GRM5: variants seen among roughly 807,000 people sequenced by gnomAD.
GRM5 encodes the protein glutamate metabotropic receptor 5, also known as metabotropic glutamate receptor 5.
In GRM5, 19 loss-of-function variants were observed where a neutral mutation model predicts 83.1. The observed-to-expected ratio is 0.23, with a 90% CI of 0.16 to 0.34. The LOEUF is 0.34. Ranked by LOEUF, GRM5 falls within the 10% of genes least tolerant of loss-of-function variation. The probability of loss-of-function intolerance (pLI) is 1.00; values close to 1 mark genes in which losing one functional copy is unlikely to be tolerated. For synonymous variants in GRM5, 675 were observed against 633.6 expected, an observed-to-expected ratio of 1.07 and a Z score of -0.98; for missense variants, 1,160 against 1,588.3, an observed-to-expected ratio of 0.73 and a Z score of 4.58.
At chr11:88,817,853 A>G (rs1236241703) in intron 3 of GRM5, among the ~76,000 whole-genome samples, 3 of 152,150 alleles carry the variant, frequency 2.0e-5, no homozygotes, top group Non-Finnish European at 4.4e-5. Context: ...TCATGCTGAT[A>G]ATCCACAGTG....
intron 3 of GRM5, among the ~76,000 whole-genome samples, chr11:88,744,654 G>C: frequency 6.6e-6 from 1 of 152,082 alleles, no homozygotes. Flanking sequence ...AAATGGTAGG[G>C]CGTGTCCTAC....
intron 5 of GRM5, among the ~76,000 whole-genome samples, chr11:88,601,387 C>T (rs148972823): frequency 3.6e-4 from 54 of 151,754 alleles, no homozygotes; most frequent in African/African-American, 1.2e-3. Context: ...CTTTTCTTTT[C>T]TTTCTTTCTC....
intron 2 of GRM5, among the ~76,000 whole-genome samples, chr11:89,041,077 C>G (rs1195469519): frequency 1.3e-5 from 2 of 152,176 alleles, no homozygotes; most frequent in African/African-American, 2.4e-5. Flanking sequence ...AACCTAGAAG[C>G]TAAAAGGTTT....
intron 3 of GRM5, among the ~76,000 whole-genome samples, chr11:88,777,629 C>A (rs762416166): frequency 1.3e-5 from 2 of 152,092 alleles, no homozygotes; most frequent in Non-Finnish European, 2.9e-5. Context: ...GTGTAGATTA[C>A]CTTTTTGTTG....
Position 88,922,354 on chromosome 11 carries a change from C to T in GRM5, c.662-72199G>A, listed in dbSNP as rs563480888. On this transcript the variant is annotated intron_variant, in intron 2 of 9. Coordinates refer to ENST00000305447, the MANE Select transcript of GRM5 (RefSeq NM_001143831.3). ...TACTACAGAGCTATAATAAACAAAA[C>T]AGCATGGTGATGGCACAAAAACAGA... Among the ~76,000 whole-genome samples, 11 of 152,204 alleles carry T rather than the reference C, an allele frequency of 7.2e-5. 1 individual carries two copies. The highest frequency in any genetic ancestry group is 6.8e-3 in the Middle Eastern group (2 of 294).
chr11:88,553,074 G>C lies in GRM5; in HGVS notation c.2630+13979C>G, dbSNP rs567786448. ...TTTTTCACTAAAGTCAATTTGCTCA[G>C]TTTTTCTCAAGTACCATCGGACATT... On this transcript the variant is annotated intron_variant, in intron 8 of 9. Coordinates refer to ENST00000305447, the MANE Select transcript of GRM5 (RefSeq NM_001143831.3). Among the ~76,000 whole-genome samples, 14 of 152,270 alleles carry C rather than the reference G, an allele frequency of 9.2e-5. 1 individual carries two copies. The highest frequency in any genetic ancestry group is 3.4e-4 in the African/African-American group (14 of 41,556).
At chr11:88,670,905 C>T (rs1400486735) in intron 3 of GRM5, among the ~76,000 whole-genome samples, 1 of 151,988 alleles carries the variant, frequency 6.6e-6, no homozygotes, top group African/African-American at 2.4e-5. Context: ...TCTCCTACAA[C>T]TGAATATAAG....
At chr11:88,951,410 C>T (rs1938458239) in intron 2 of GRM5, among the ~76,000 whole-genome samples, 1 of 152,218 alleles carries the variant, frequency 6.6e-6, no homozygotes, top group Non-Finnish European at 1.5e-5. Flanking sequence ...AGCTCTGGGC[C>T]TCCTTGCAAG....
chr11:88,528,621 A>G (rs1941935173), intron 8 of GRM5, among the ~76,000 whole-genome samples: 1 of 151,904 alleles, frequency 6.6e-6, no homozygotes, highest in Non-Finnish European at 1.5e-5. Flanking sequence ...TTTATATATC[A>G]GATACTAAAA....
intron 2 of GRM5, among the ~76,000 whole-genome samples, chr11:88,873,008 T>A (rs1377714305): frequency 6.7e-6 from 1 of 148,308 alleles, no homozygotes; most frequent in Non-Finnish European, 1.5e-5. Context: ...GAAAGTGAAG[T>A]AAGGAATGAA....
chr11:88,909,601 C>T (rs116318726), intron 2 of GRM5, among the ~76,000 whole-genome samples: 1,834 of 150,956 alleles, frequency 0.012, 44 homozygotes, highest in African/African-American at 0.043. Context: ...AGCTTGTTTC[C>T]GTGATGGCAC....
chr11:88,561,833 G>A (rs765966770), intron 8 of GRM5, among the ~76,000 whole-genome samples: 17 of 151,998 alleles, frequency 1.1e-4, no homozygotes, highest in Non-Finnish European at 2.4e-4. Flanking sequence ...CTGATTCCGG[G>A]CCCTTTTCTA....
At chr11:88,806,359 G>T (rs779159947) in intron 3 of GRM5, among the ~76,000 whole-genome samples, 1 of 152,226 alleles carries the variant, frequency 6.6e-6, no homozygotes, top group East Asian at 1.9e-4. Context: ...AAGATATGGT[G>T]TGTTCTTTTT....
chr11:88,963,493 G>T (rs2094491825), intron 2 of GRM5, among the ~76,000 whole-genome samples: 1 of 152,134 alleles, frequency 6.6e-6, no homozygotes, highest in Non-Finnish European at 1.5e-5. Flanking sequence ...TAATAAACTT[G>T]CCATCCCTTT....
rs552729266 is a variant in GRM5, at chr11:88,707,350, T to C, written c.912-53947A>G. On this transcript the variant is annotated intron_variant, in intron 3 of 9. Transcript: ENST00000305447. ...TAATTAAATAAATGGATAGTGTCAC[T>C]GTAAACATAAAGGCATTCTTCTCTT... 2.0e-5 allele frequency among the ~76,000 whole-genome samples: 3 copies of C among 152,234 alleles called. No individual in the cohort carries two copies. In the East Asian group the frequency reaches 5.8e-4, roughly 29 times the overall value.
At chr11:88,784,686 A>T (rs1243356162) in intron 3 of GRM5, among the ~76,000 whole-genome samples, 1 of 152,058 alleles carries the variant, frequency 6.6e-6, no homozygotes, top group African/African-American at 2.4e-5. Flanking sequence ...CATTTTATAA[A>T]TGAAGGTAAC....
chr11:88,542,641 G>A (rs2135133924), intron 8 of GRM5, among the ~76,000 whole-genome samples: 1 of 152,296 alleles, frequency 6.6e-6, no homozygotes, highest in Non-Finnish European at 1.5e-5. Flanking sequence ...ACCTGGCATA[G>A]TACTTGGTTT....
At chr11:88,990,895 C>G (rs1198555704) in intron 2 of GRM5, among the ~76,000 whole-genome samples, 1 of 152,102 alleles carries the variant, frequency 6.6e-6, no homozygotes, top group African/African-American at 2.4e-5. Flanking sequence ...GACAAACCCA[C>G]AGCCAATATC....
chr11:88,574,955 A>AAGGAGGCTG (rs2135183979), intron 7 of GRM5, among the ~76,000 whole-genome samples: 1 of 151,572 alleles, frequency 6.6e-6, no homozygotes, highest in East Asian at 1.9e-4. Flanking sequence ...TACTTTTCTT[A>AAGGAGGCTG]AGGAGGCTGT....
Sources: gnomAD v4.1 joint callset for allele counts (sites outside exome capture counted in the v4.1 genomes callset) on GRCh38, gnomAD v4.1.1 for gene constraint, MANE v1.5 for transcripts, NCBI Gene and HGNC (gene_info 2026-07-23, HGNC 2026-07-21) for gene names.